The following PRKN variants were observed in gnomAD, a reference collection of about 807,000 sequenced individuals.
PRKN encodes E3 ubiquitin-protein ligase parkin.
PRKN carries 56 observed loss-of-function variants against 59.5 expected under a neutral mutation model. The ratio of observed to expected loss-of-function variants is 0.94; its 90% CI spans 0.76 to 1.18. The LOEUF (loss-of-function observed/expected upper bound fraction) is 1.18, where lower values mean the gene tolerates loss of function less well. PRKN is among the 50% of genes most tolerant of loss of function. The pLI, the probability that PRKN is intolerant of heterozygous loss-of-function variation, is 0.00. For synonymous variants in PRKN, 250 were observed against 222.1 expected, an observed-to-expected ratio of 1.13 and a Z score of -1.12; for missense variants, 657 against 596.4, an observed-to-expected ratio of 1.10 and a Z score of -1.06.
At chr6:161,798,085 C>T (rs912814333) in intron 6 of PRKN, among the ~76,000 whole-genome samples, 1 of 152,150 alleles carries the variant, frequency 6.6e-6, no homozygotes, top group African/African-American at 2.4e-5. Flanking sequence ...CCTGTAGTCC[C>T]AGCTACTTGG....
At chr6:161,909,003 T>C (rs1213298090) in intron 6 of PRKN, among the ~76,000 whole-genome samples, 1 of 152,124 alleles carries the variant, frequency 6.6e-6, no homozygotes, top group Non-Finnish European at 1.5e-5. Context: ...AGGCCTGTAA[T>C]GTAAGGGGCG....
At chr6:162,061,913 C>A (rs1778121104) in intron 4 of PRKN, among the ~76,000 whole-genome samples, 1 of 152,082 alleles carries the variant, frequency 6.6e-6, no homozygotes, top group Non-Finnish European at 1.5e-5. Context: ...TGAAAATGCC[C>A]ATGTAAAAGA....
intron 1 of PRKN, among the ~76,000 whole-genome samples, chr6:162,543,092 A>C (rs1583765001): frequency 6.6e-6 from 1 of 152,028 alleles, no homozygotes; most frequent in East Asian, 1.9e-4. Context: ...TCTTTCTCTA[A>C]ATTAAACATG....
chr6:161,682,299 C>T (rs1396019400), intron 7 of PRKN, among the ~76,000 whole-genome samples: 1 of 152,050 alleles, frequency 6.6e-6, no homozygotes, highest in Non-Finnish European at 1.5e-5. Flanking sequence ...TGGGTGATGC[C>T]GGGGAGGAAA....
intron 4 of PRKN, among the ~76,000 whole-genome samples, chr6:162,136,207 T>G (rs1263769448): frequency 6.6e-6 from 1 of 151,712 alleles, no homozygotes; most frequent in Non-Finnish European, 1.5e-5. Context: ...ATATATTGTG[T>G]GTTCATATAT....
At chr6:162,452,402 G>C (rs1430949371) in intron 1 of PRKN, among the ~76,000 whole-genome samples, 1 of 143,290 alleles carries the variant, frequency 7.0e-6, no homozygotes, top group Non-Finnish European at 1.5e-5. Context: ...AGATGACTGG[G>C]TAAAGCAGAA....
At chr6:161,624,916 A>G (rs1401965829) in intron 7 of PRKN, among the ~76,000 whole-genome samples, 1 of 152,246 alleles carries the variant, frequency 6.6e-6, no homozygotes, top group African/African-American at 2.4e-5. Context: ...CTTGCCTTCT[A>G]TTAATAATGA....
intron 7 of PRKN, among the ~76,000 whole-genome samples, chr6:161,620,456 A>G (rs1471554945): frequency 6.6e-6 from 1 of 152,190 alleles, no homozygotes; most frequent in East Asian, 1.9e-4. Context: ...GAACCTTGGT[A>G]GTTCCTCTCA....
intron 4 of PRKN, among the ~76,000 whole-genome samples, chr6:162,107,640 C>T (rs1054398021): frequency 6.6e-6 from 1 of 152,188 alleles, no homozygotes; most frequent in African/African-American, 2.4e-5. Flanking sequence ...TTAACCCTGG[C>T]TGTTGTTACT....
intron 5 of PRKN, among the ~76,000 whole-genome samples, chr6:162,008,010 T>C (rs1782327707): frequency 6.6e-6 from 1 of 152,110 alleles, no homozygotes; most frequent in African/African-American, 2.4e-5. Context: ...ACCACACACT[T>C]AAGCAAGATA....
At chr6:162,681,593 A>G (rs1406152456) in intron 1 of PRKN, among the ~76,000 whole-genome samples, 1 of 152,190 alleles carries the variant, frequency 6.6e-6, no homozygotes, top group East Asian at 1.9e-4. Flanking sequence ...TACTGTCTAC[A>G]GCCAATCAAA....
At chr6:162,288,271 T>C (rs1026012805) in intron 2 of PRKN, among the ~76,000 whole-genome samples, 8 of 152,116 alleles carry the variant, frequency 5.3e-5, no homozygotes, top group African/African-American at 1.2e-4. Flanking sequence ...CTGCTGGTAG[T>C]AGGCAGCGGT....
chr6:162,501,323 C>A (rs1475312332), intron 1 of PRKN, among the ~76,000 whole-genome samples: 1 of 150,722 alleles, frequency 6.6e-6, no homozygotes, highest in Non-Finnish European at 1.5e-5. Context: ...TATCTTTAAA[C>A]TTCATTATGT....
At chr6:162,600,858 GA>G (rs1781680161) in intron 1 of PRKN, among the ~76,000 whole-genome samples, 1 of 152,122 alleles carries the variant, frequency 6.6e-6, no homozygotes, top group African/African-American at 2.4e-5. Context: ...CCAAGAAAGA[GA>G]AGCCTCTATG....
chr6:162,443,559 T>A, intron 1 of PRKN, 86 bp from the exon 2 acceptor site: 1 of 1,244,334 alleles, frequency 8.0e-7, no homozygotes, highest in Non-Finnish European at 1.2e-6. Context: ...TCAACCGATT[T>A]ACCCCTCGCA....
chr6:162,424,718 G>C (rs566302773), intron 2 of PRKN, among the ~76,000 whole-genome samples: 1 of 149,770 alleles, frequency 6.7e-6, no homozygotes, highest in South Asian at 2.1e-4. Context: ...CTGGGTGACA[G>C]AGCAAGACTC....
chr6:161,738,782 T>A (rs1788071756), intron 7 of PRKN, among the ~76,000 whole-genome samples: 1 of 152,184 alleles, frequency 6.6e-6, no homozygotes, highest in Admixed American at 6.5e-5. Context: ...AACCACCTAC[T>A]TAAATCAGAA....
intron 1 of PRKN, among the ~76,000 whole-genome samples, chr6:162,546,532 C>T (rs946076136): frequency 2.0e-5 from 3 of 151,924 alleles, no homozygotes; most frequent in Non-Finnish European, 2.9e-5. Flanking sequence ...CAACCTCCCC[C>T]TCTTGGGTTC....
At chr6:162,129,246 A>G (rs1213532768) in intron 4 of PRKN, among the ~76,000 whole-genome samples, 1 of 152,206 alleles carries the variant, frequency 6.6e-6, no homozygotes, top group East Asian at 1.9e-4. Context: ...CTTTAATTTT[A>G]TTTACAATAG....
Sources: allele counts gnomAD v4.1 joint callset (sites outside exome capture counted in the v4.1 genomes callset), GRCh38; gene constraint gnomAD v4.1.1; transcripts MANE v1.5; gene names NCBI Gene and HGNC (gene_info 2026-07-23, HGNC 2026-07-21).